CACNA2D1: variants seen among roughly 807,000 people sequenced by gnomAD.
CACNA2D1 encodes the protein voltage-dependent calcium channel subunit alpha-2/delta-1.
A neutral mutation model predicts 171.5 loss-of-function variants in CACNA2D1; 53 were observed. That is an observed-to-expected ratio of 0.31 (90% CI 0.25 to 0.39). The LOEUF is 0.39. Ranked by LOEUF, CACNA2D1 falls within the 10% of genes least tolerant of loss-of-function variation. The pLI is 1.00. For missense variants in CACNA2D1, 903 were observed against 1,299.8 expected, an observed-to-expected ratio of 0.69 and a Z score of 4.69; for synonymous variants, 442 against 443.1, an observed-to-expected ratio of 1.00 and a Z score of 0.03.
chr7:82,003,820 C>CTGCA (rs1001989387), intron 18 of CACNA2D1, among the ~76,000 whole-genome samples: 2 of 150,996 alleles, frequency 1.3e-5, no homozygotes, highest in Non-Finnish European at 2.9e-5. Flanking sequence ...TCTCGGCTCA[C>CTGCA]TGCAACCTCC....
At chr7:82,178,736 A>G (rs1796810291) in intron 3 of CACNA2D1, among the ~76,000 whole-genome samples, 1 of 152,162 alleles carries the variant, frequency 6.6e-6, no homozygotes, top group African/African-American at 2.4e-5. Flanking sequence ...TGAGACAACA[A>G]AACAGTCCAT....
At chr7:82,154,067 A>AT (rs1041141718) in intron 4 of CACNA2D1, among the ~76,000 whole-genome samples, 6 of 152,052 alleles carry the variant, frequency 3.9e-5, no homozygotes, top group Non-Finnish European at 8.8e-5. Flanking sequence ...GATAAATGAG[A>AT]TTTTTTGCCA....
rs1333990864 is a variant in CACNA2D1, at chr7:82,218,122, G to C, written c.295-47513C>G. ...GCTAATCTTTTGTATTTTTAGTAGA[G>C]ACGTGGTTTCACCGTGTTGGACAGG... On this transcript the variant is annotated intron_variant, in intron 3 of 38. Coordinates refer to ENST00000356860, the MANE Select transcript of CACNA2D1 (RefSeq NM_000722.4). Among the ~76,000 whole-genome samples, 2 of 151,808 alleles carry C rather than the reference G, an allele frequency of 1.3e-5. 1 individual carries two copies. Among genetic ancestry groups the C allele is most frequent in the African/African-American group, 4.8e-5 (2 of 41,288 alleles).
At chr7:82,101,186 G>A (rs1479266270) in intron 6 of CACNA2D1, among the ~76,000 whole-genome samples, 1 of 152,096 alleles carries the variant, frequency 6.6e-6, no homozygotes, top group Non-Finnish European at 1.5e-5. Flanking sequence ...AAACAATTCT[G>A]CACAAGTACC....
intron 26 of CACNA2D1, 31 bp downstream of exon 26, chr7:81,971,742 AATAC>A (rs1230841526): frequency 8.6e-7 from 1 of 1,160,804 alleles, no homozygotes; most frequent in Admixed American, 1.7e-5. Context: ...TGAAATGCAG[AATAC>A]ATATTTTTAT....
chr7:82,072,067 T>C (rs1054102406), intron 7 of CACNA2D1, among the ~76,000 whole-genome samples: 1 of 152,198 alleles, frequency 6.6e-6, no homozygotes, highest in Non-Finnish European at 1.5e-5. Context: ...ATTTTTTAAA[T>C]GTTTCCTTTG....
At position 82,283,552 on chromosome 7, in the gene CACNA2D1, G is replaced by A. The variant is rs76724874; in HGVS notation, c.294+51583C>T. On this transcript the variant is annotated intron_variant, in intron 3 of 38. Transcript: ENST00000356860. ...CATTAATGGAGAATTTTAAGTGAAC[G>A]GTATCTGTGAAAATGGAGAGCAAGT... Among the ~76,000 whole-genome samples the A allele has an allele frequency of 5.4e-3, 816 of 152,160 alleles. 17 individuals carry two copies. The East Asian group carries it at 0.079, about 15-fold the overall frequency.
intron 18 of CACNA2D1, among the ~76,000 whole-genome samples, chr7:82,002,602 AC>A (rs1798722831): frequency 6.6e-6 from 1 of 152,202 alleles, no homozygotes; most frequent in Non-Finnish European, 1.5e-5. Context: ...TAGATTATGC[AC>A]AATTTCCTAT....
intron 1 of CACNA2D1, among the ~76,000 whole-genome samples, chr7:82,398,744 T>C (rs1022676929): frequency 1.3e-5 from 2 of 151,760 alleles, no homozygotes; most frequent in African/African-American, 2.4e-5. Flanking sequence ...TGCTGGCTAT[T>C]TTTTAAAATT....
chr7:82,160,834 T>C (rs750293638), intron 4 of CACNA2D1, among the ~76,000 whole-genome samples: 5 of 152,118 alleles, frequency 3.3e-5, no homozygotes, highest in Admixed American at 1.3e-4. Context: ...CATTCTCTTC[T>C]ATTTAACTGA....
chr7:82,206,012 A>T (rs2129214596), intron 3 of CACNA2D1, among the ~76,000 whole-genome samples: 1 of 152,234 alleles, frequency 6.6e-6, no homozygotes, highest in Middle Eastern at 3.5e-3. Flanking sequence ...TTTTATCTGG[A>T]GGTTTCCCAT....
chr7:82,271,203 A>G (rs1000154109), intron 3 of CACNA2D1, among the ~76,000 whole-genome samples: 7 of 152,064 alleles, frequency 4.6e-5, no homozygotes, highest in Non-Finnish European at 8.8e-5. Flanking sequence ...AATAGAGTCT[A>G]CCATCACCTC....
At chr7:82,270,392 G>A in intron 3 of CACNA2D1, among the ~76,000 whole-genome samples, 1 of 152,044 alleles carries the variant, frequency 6.6e-6, no homozygotes. Context: ...CTATTGTTGT[G>A]AGATATATAA....
chr7:82,151,653 G>A (rs536307909), intron 4 of CACNA2D1, among the ~76,000 whole-genome samples: 3 of 152,102 alleles, frequency 2.0e-5, no homozygotes, highest in Admixed American at 1.3e-4. Context: ...GTGTCACTTC[G>A]GTGGAGAGCA....
At chr7:81,954,640 T>C (rs1052025454) in intron 38 of CACNA2D1, among the ~76,000 whole-genome samples, 2 of 152,142 alleles carry the variant, frequency 1.3e-5, no homozygotes, top group African/African-American at 4.8e-5. Context: ...TAGAAGTACA[T>C]GTTTCAAAAG....
chr7:82,187,482 T>A (rs535629303), intron 3 of CACNA2D1, among the ~76,000 whole-genome samples: 1 of 152,236 alleles, frequency 6.6e-6, no homozygotes, highest in African/African-American at 2.4e-5. Flanking sequence ...CATCTGTAGA[T>A]AAGATTTGTT....
chr7:82,130,561 G>T (rs1182292697), intron 5 of CACNA2D1, among the ~76,000 whole-genome samples: 1 of 151,924 alleles, frequency 6.6e-6, no homozygotes, highest in Non-Finnish European at 1.5e-5. Context: ...TTAGATGATT[G>T]TATTAGAGCA....
intron 3 of CACNA2D1, among the ~76,000 whole-genome samples, chr7:82,214,308 G>C (rs1268775223): frequency 2.6e-5 from 4 of 152,092 alleles, no homozygotes; most frequent in Admixed American, 2.6e-4. Context: ...TCCTCAGTTG[G>C]TGAGATAGTG....
rs1472324714 is a variant in CACNA2D1 at position 82,371,298 on chromosome 7, G to A, written c.96-21649C>T. ...GATGGGTAAAGTTCATGCGCTCTGG[G>A]CTAGACTTGGGTTTTAATTCTGGTG... On this transcript the variant is annotated intron_variant, in intron 1 of 38. Transcript: ENST00000356860. 3.3e-5 allele frequency among the ~76,000 whole-genome samples: 5 copies of A among 152,142 alleles called. No homozygotes were observed. The East Asian group carries it at 7.7e-4, about 23-fold the overall frequency.
Sources: gnomAD v4.1 joint callset for allele counts (sites outside exome capture counted in the v4.1 genomes callset) on GRCh38, gnomAD v4.1.1 for gene constraint, MANE v1.5 for transcripts, NCBI Gene and HGNC (gene_info 2026-07-23, HGNC 2026-07-21) for gene names.